The following TASP1 variants were observed in gnomAD, a reference collection of about 807,000 sequenced individuals.
TASP1 encodes threonine aspartase 1.
A neutral mutation model predicts 56.6 loss-of-function variants in TASP1; 16 were observed. The observed-to-expected ratio is 0.28, with a 90% confidence interval of 0.19 to 0.43. The LOEUF is 0.43. TASP1 is among the 20% of genes least tolerant of loss of function. The pLI is 1.00. For missense variants in TASP1, 393 were observed against 511.6 expected, an observed-to-expected ratio of 0.77 and a Z score of 2.24; for synonymous variants, 179 against 184.2, an observed-to-expected ratio of 0.97 and a Z score of 0.23.
At chr20:13,574,031 A>C (rs988563552) in intron 6 of TASP1, among the ~76,000 whole-genome samples, 2 of 152,170 alleles carry the variant, frequency 1.3e-5, no homozygotes, top group African/African-American at 4.8e-5. Flanking sequence ...ATCTGCAGAG[A>C]GTATCCCTCT....
the TASP1 span, among the ~76,000 whole-genome samples, chr20:13,220,497 C>T: frequency 6.6e-6 from 1 of 152,208 alleles, no homozygotes; most frequent in Non-Finnish European, 1.5e-5. Context: ...GCGGCACCCC[C>T]GGGATGAGCC....
intron 6 of TASP1, among the ~76,000 whole-genome samples, chr20:13,569,965 G>A (rs1280998021): frequency 1.3e-5 from 2 of 152,078 alleles, no homozygotes; most frequent in African/African-American, 4.8e-5. Flanking sequence ...TTAAGTGAAT[G>A]CCTTCAGATT....
chr20:13,229,655 G>A, the TASP1 span, among the ~76,000 whole-genome samples: 2 of 152,130 alleles, frequency 1.3e-5, no homozygotes, highest in Non-Finnish European at 2.9e-5. Context: ...GTGGACCTAT[G>A]TTTTCATTTC....
the TASP1 span, among the ~76,000 whole-genome samples, chr20:13,375,859 TG>T: frequency 2.0e-5 from 3 of 152,228 alleles, no homozygotes; most frequent in African/African-American, 7.2e-5. Flanking sequence ...TCATGTTTGC[TG>T]GCTGCATAAA....
chr20:13,539,921 G>C (rs538762697), intron 8 of TASP1, among the ~76,000 whole-genome samples: 1 of 151,784 alleles, frequency 6.6e-6, no homozygotes, highest in Non-Finnish European at 1.5e-5. Flanking sequence ...AAGGGCCTCA[G>C]AGTGCATGTT....
chr20:13,226,918 G>A, the TASP1 span, among the ~76,000 whole-genome samples: 2 of 152,128 alleles, frequency 1.3e-5, no homozygotes, highest in Non-Finnish European at 2.9e-5. Context: ...TTAAAGAAGA[G>A]CATGCGTACA....
intron 7 of TASP1, among the ~76,000 whole-genome samples, chr20:13,564,998 C>T (rs2046470149): frequency 7.1e-6 from 1 of 141,084 alleles, no homozygotes; most frequent in Non-Finnish European, 1.5e-5. Flanking sequence ...CAGAGTAAGA[C>T]TCCATCTCAA....
intron 6 of TASP1, among the ~76,000 whole-genome samples, chr20:13,574,441 T>C (rs578032067): frequency 2.6e-5 from 4 of 152,172 alleles, no homozygotes; most frequent in Non-Finnish European, 5.9e-5. Flanking sequence ...CCAATAAAAA[T>C]TACCAAGTAT....
chr20:13,436,394 CCA>C (rs1289355888), intron 11 of TASP1, among the ~76,000 whole-genome samples: 8 of 151,750 alleles, frequency 5.3e-5, no homozygotes, highest in Admixed American at 3.3e-4. Context: ...AGACAACATG[CCA>C]CAGAGACCGT....
chr20:13,509,005 T>C (rs866616123), intron 10 of TASP1, among the ~76,000 whole-genome samples: 2 of 151,992 alleles, frequency 1.3e-5, no homozygotes, highest in East Asian at 1.9e-4. Context: ...GCAAAGGAAA[T>C]GAAATCAGTA....
the TASP1 span, among the ~76,000 whole-genome samples, chr20:13,243,409 G>T: frequency 1.3e-5 from 2 of 152,108 alleles, no homozygotes; most frequent in Non-Finnish European, 2.9e-5. Context: ...CCTGATAAGG[G>T]TTGCCTCCAG....
the TASP1 span, chr20:13,166,280 C>G: frequency 1.3e-5 from 2 of 152,626 alleles, no homozygotes; most frequent in African/African-American, 2.4e-5. Context: ...AAACTCCACC[C>G]GCAGCGCCTG....
the TASP1 span, among the ~76,000 whole-genome samples, chr20:13,262,962 C>T: frequency 1.1e-4 from 16 of 152,292 alleles, no homozygotes; most frequent in African/African-American, 3.8e-4. Context: ...TTAGTCAGAC[C>T]GTGACAGCAG....
At chr20:13,587,727 C>CAA (rs143107769) in intron 4 of TASP1, among the ~76,000 whole-genome samples, 3,935 of 145,558 alleles carry the variant, frequency 0.027, 177 homozygotes, top group African/African-American at 0.091. Flanking sequence ...ATGATTGTAT[C>CAA]AAAAAAAAAA....
At chr20:13,350,821 A>G in the TASP1 span, among the ~76,000 whole-genome samples, 1 of 152,084 alleles carries the variant, frequency 6.6e-6, no homozygotes, top group Admixed American at 6.5e-5. Context: ...CCTCCCAAGT[A>G]GCTGAGACTA....
chr20:13,136,455 A>G, the TASP1 span, among the ~76,000 whole-genome samples: 3 of 151,800 alleles, frequency 2.0e-5, no homozygotes, highest in Admixed American at 6.6e-5. Context: ...AAAAAATTAG[A>G]TGGCGGTGGT....
chr20:13,205,222 A>G, the TASP1 span, among the ~76,000 whole-genome samples: 4 of 152,078 alleles, frequency 2.6e-5, no homozygotes, highest in Non-Finnish European at 4.4e-5. Flanking sequence ...CTCTCACTGT[A>G]GCCATACAAG....
the TASP1 span, among the ~76,000 whole-genome samples, chr20:13,273,851 T>C: frequency 4.6e-5 from 7 of 152,346 alleles, no homozygotes; most frequent in East Asian, 7.7e-4. Context: ...GTTAATTTTC[T>C]GTGAGCAATA....
At chr20:13,141,064 CAG>C in the TASP1 span, among the ~76,000 whole-genome samples, 1 of 152,092 alleles carries the variant, frequency 6.6e-6, no homozygotes, top group East Asian at 1.9e-4. Flanking sequence ...TTAAAAAAAA[CAG>C]GGACTAAGTG....
Sources: allele counts gnomAD v4.1 joint callset (sites outside exome capture counted in the v4.1 genomes callset), GRCh38; gene constraint gnomAD v4.1.1; transcripts MANE v1.5; gene names NCBI Gene and HGNC (gene_info 2026-07-23, HGNC 2026-07-21).